Variants in SPNS2 observed in about 807,000 individuals in gnomAD.
SPNS2 encodes the protein SPNS lysolipid transporter 2, sphingosine-1-phosphate.
In SPNS2, 37 loss-of-function variants were observed where a neutral mutation model predicts 57.6. The ratio of observed to expected loss-of-function variants is 0.64; its 90% CI spans 0.49 to 0.85. The LOEUF (loss-of-function observed/expected upper bound fraction) is 0.85, where lower values mean the gene tolerates loss of function less well. Ranked by LOEUF, SPNS2 falls within the 40% of genes least tolerant of loss-of-function variation. SPNS2 has a pLI of 0.00. For synonymous variants in SPNS2, 440 were observed against 346.9 expected (o/e 1.27, Z -2.98); for missense variants, 831 against 779.1 (o/e 1.07, Z -0.79).
Position 4,531,241 on chromosome 17 carries a change from C to G in SPNS2, c.792+122C>G, listed in dbSNP as rs1202619613. ...AGGATTCCTCCCCTGGCTGCGTGGACTCTGAAATCCCTGCCCTTCCAGATT... is the reference window on the plus strand; with the variant it reads ...AGGATTCCTCCCCTGGCTGCGTGGAGTCTGAAATCCCTGCCCTTCCAGATT... On this transcript the variant is annotated intron_variant, in intron 5 of 12. Transcript: ENST00000329078. The G allele has an allele frequency of 4.7e-6, 4 of 852,830 alleles. No individual in the cohort carries two copies. In the East Asian group the frequency reaches 8.0e-5, roughly 17 times the overall value. The allele number at this position is 852,830 out of a possible 1,614,324, so 52.8% of individuals were successfully genotyped here.
Position 4,525,125 on chromosome 17 carries a change from G to A in SPNS2, c.505G>A (p.Val169Met). ...GYLGDRFNRKVILSCGIFFWS... is the reference protein window; with the variant it reads ...GYLGDRFNRKMILSCGIFFWS... Reference sequence around the variant, plus strand: ...CCTGGGCGACCGCTTCAACAGGAAGGTGATTCTCAGCTGCGGCATTTTCTT... The same window carrying A: ...CCTGGGCGACCGCTTCAACAGGAAGATGATTCTCAGCTGCGGCATTTTCTT... Residue 169 changes from valine (V) to methionine (M), a missense_variant, in exon 3 of 13, where the codon GTG becomes ATG. Val to Met is a conservative substitution (Grantham distance 21). Coordinates refer to ENST00000329078, the MANE Select transcript of SPNS2 (RefSeq NM_001124758.3). The A allele has an allele frequency of 6.2e-7, 1 of 1,614,194 alleles. No homozygotes were observed.
chr17:4,535,228 G>A (rs1223491513), intron 9 of SPNS2, among the ~76,000 whole-genome samples: 1 of 152,174 alleles, frequency 6.6e-6, no homozygotes, highest in Admixed American at 6.5e-5. Context: ...CCTCCTGTAG[G>A]TTGGGGCCTG....
chr17:4,504,399 G>T (rs1039742867), intron 1 of SPNS2, among the ~76,000 whole-genome samples: 1 of 151,962 alleles, frequency 6.6e-6, no homozygotes, highest in South Asian at 2.1e-4. Context: ...CAGCCCCTCC[G>T]CTGTGCTGTC....
In SPNS2 at chr17:4,531,134, C is replaced by T. The variant is rs1358268923; in HGVS notation, c.792+15C>T. The T allele has an allele frequency of 2.5e-6, 4 of 1,613,570 alleles. No homozygotes were observed. The highest frequency in any genetic ancestry group is 3.4e-6 in the Non-Finnish European group (4 of 1,179,758). On this transcript the variant is annotated intron_variant, in intron 5 of 12. Coordinates refer to ENST00000329078, the MANE Select transcript of SPNS2 (RefSeq NM_001124758.3). ...GGGCATTGCGGGTAAGCCCTACGTC[C>T]CTTCCCATGAGGACACCCTCCGGTC...
chr17:4,501,909 G>T (rs1171663051), intron 1 of SPNS2, among the ~76,000 whole-genome samples: 1 of 152,162 alleles, frequency 6.6e-6, no homozygotes, highest in Admixed American at 6.5e-5. Context: ...CTTTAAATCT[G>T]TTTTTTCATA....
intron 2 of SPNS2, among the ~76,000 whole-genome samples, chr17:4,524,001 G>T (rs1234522385): frequency 6.6e-6 from 1 of 152,192 alleles, no homozygotes; most frequent in African/African-American, 2.4e-5. Context: ...AATTGTTGTT[G>T]TTGAATGACA....
Position 4,525,160 on chromosome 17 carries a change from C to G in SPNS2, c.540C>G (p.Ala180=), listed in dbSNP as rs372647794. The change falls in exon 3 of 13, where the codon GCC becomes GCG. Residue 180 remains alanine, a synonymous_variant. Coordinates refer to ENST00000329078, the MANE Select transcript of SPNS2 (RefSeq NM_001124758.3). ...ILSCGIFFWS[A]VTFSSSFIPQ... is the part of the protein sequence containing the mutation. ...GCTGCGGCATTTTCTTCTGGTCGGC[C>G]GTCACCTTCTCCAGCTCCTTCATTC... 8.1e-6 allele frequency: 13 copies of G among 1,614,074 alleles called. No individual in the cohort carries two copies. The highest frequency in any genetic ancestry group is 1.6e-4 in the Middle Eastern group (1 of 6,084).
intron 3 of SPNS2, among the ~76,000 whole-genome samples, chr17:4,526,067 C>T (rs980889541): frequency 3.9e-5 from 6 of 152,162 alleles, no homozygotes; most frequent in African/African-American, 2.4e-5. Flanking sequence ...ACCCAGGCTT[C>T]GGGGTAGGAA....
In SPNS2 at chr17:4,510,034, G is replaced by C. The variant is rs916453754; in HGVS notation, c.371-3213G>C. On this transcript the variant is annotated intron_variant, in intron 1 of 12. Transcript: ENST00000329078. The surrounding 1 kb of genome is among the most constrained non-coding windows in gnomAD (Gnocchi z 4.4). Reference sequence around the variant, plus strand: ...GGAGGGGTGCGTGGGCCTGAGCCGTGCTGGAGCCCAAAGGAAAATCTGAGG... The same window carrying C: ...GGAGGGGTGCGTGGGCCTGAGCCGTCCTGGAGCCCAAAGGAAAATCTGAGG... 2.9e-4 allele frequency among the ~76,000 whole-genome samples: 44 copies of C among 152,370 alleles called. No homozygotes were observed. The highest frequency in any genetic ancestry group is 9.9e-4 in the African/African-American group (41 of 41,588).
chr17:4,524,303 C>G (rs1905212085), intron 2 of SPNS2, among the ~76,000 whole-genome samples: 1 of 152,134 alleles, frequency 6.6e-6, no homozygotes, highest in Admixed American at 6.5e-5. Context: ...GGGGTCTTGG[C>G]CAAGTCACTC....
At chr17:4,534,788 A>T (rs1262354326) in intron 9 of SPNS2, among the ~76,000 whole-genome samples, 1 of 150,128 alleles carries the variant, frequency 6.7e-6, no homozygotes, top group African/African-American at 2.5e-5. Flanking sequence ...GGGGTGCGCC[A>T]GGGTCACTGC....
At chr17:4,513,396 G>C in intron 2 of SPNS2, 84 bp downstream of exon 2, 2 of 1,450,126 alleles carry the variant, frequency 1.4e-6, no homozygotes, top group Non-Finnish European at 9.6e-7. Flanking sequence ...CTGCCACCCG[G>C]TCTGTCTTCC....
intron 9 of SPNS2, chr17:4,534,482 G>C (rs1391217833): frequency 6.3e-6 from 1 of 157,716 alleles, no homozygotes; most frequent in Non-Finnish European, 1.4e-5. Context: ...GTCAGGAGGG[G>C]ACAGGAGAGA....
intron 9 of SPNS2, among the ~76,000 whole-genome samples, chr17:4,535,069 T>C (rs887068849): frequency 2.0e-5 from 3 of 152,046 alleles, no homozygotes; most frequent in Non-Finnish European, 2.9e-5. Context: ...TTGCACACAA[T>C]GCCCACTAAG....
rs142740075 is a variant in SPNS2 at position 4,511,753 on chromosome 17, G to A, written c.371-1494G>A. On this transcript the variant is annotated intron_variant, in intron 1 of 12. Coordinates refer to ENST00000329078, the MANE Select transcript of SPNS2 (RefSeq NM_001124758.3). This position sits in a 1 kb window ranked among gnomAD's most constrained non-coding sequence, Gnocchi z 4.6. ...AACCCACTCAGGGCATTAACAAGGAGGAAGACAGCTTCTCTGGCTGTCAGG... is the reference window on the plus strand; with the variant it reads ...AACCCACTCAGGGCATTAACAAGGAAGAAGACAGCTTCTCTGGCTGTCAGG... Among the ~76,000 whole-genome samples, 5 of 152,306 alleles carry A rather than the reference G, an allele frequency of 3.3e-5. No individual in the cohort carries two copies. In the East Asian group the frequency reaches 9.6e-4, roughly 29 times the overall value.
chr17:4,535,721 G>GT (rs1436849334), intron 9 of SPNS2, among the ~76,000 whole-genome samples: 1 of 152,174 alleles, frequency 6.6e-6, no homozygotes, highest in Non-Finnish European at 1.5e-5. Context: ...TCAGAGGGGT[G>GT]TGCTGGGGGC....
At chr17:4,536,866 GCAC>G in intron 11 of SPNS2, 31 bp from the exon 12 acceptor site, 1 of 1,606,132 alleles carries the variant, frequency 6.2e-7, no homozygotes, top group East Asian at 2.2e-5. Flanking sequence ...CCCCGCTGAT[GCAC>G]CACCCTGACC....
chr17:4,509,666 GT>G (rs1364700040), intron 1 of SPNS2, among the ~76,000 whole-genome samples: 3 of 152,252 alleles, frequency 2.0e-5, no homozygotes, highest in African/African-American at 7.2e-5. Flanking sequence ...TTGGCCCAGA[GT>G]AGGGGACGTT....
chr17:4,538,766 A>C lies in SPNS2; in HGVS notation c.*1318A>C. The stretch of plus-strand genomic sequence containing the variant: ...TAAGCAGGTGGAATACTCACCCACC[A>C]AGCTCTGGGGTACCCCGAGGGCCTG... On this transcript the variant is annotated 3_prime_UTR_variant, in exon 13 of 13. Coordinates refer to ENST00000329078, the MANE Select transcript of SPNS2 (RefSeq NM_001124758.3). 1 of 726,234 alleles carries C rather than the reference A, an allele frequency of 1.4e-6. No individual in the cohort carries two copies. Among genetic ancestry groups the C allele is most frequent in the Non-Finnish European group, 2.5e-6 (1 of 402,952 alleles). 45.0% of individuals were successfully genotyped at this position (726,234 alleles called of 1,614,324 possible). A position where few individuals can be genotyped will look rare whatever the true frequency, so the allele number is the denominator to read the frequency against.
Sources: gnomAD v4.1 joint callset for allele counts (sites outside exome capture counted in the v4.1 genomes callset) on GRCh38, gnomAD v4.1.1 for gene constraint, Gnocchi (gnomAD v3.1) non-coding constraint, MANE v1.5 for transcripts, NCBI Gene and HGNC (gene_info 2026-07-23, HGNC 2026-07-21) for gene names.